The following NPAS3 variants were observed in gnomAD, a reference collection of about 807,000 sequenced individuals.
NPAS3 encodes neuronal PAS domain-containing protein 3.
A neutral mutation model predicts 73.1 loss-of-function variants in NPAS3; 14 were observed. The ratio of observed to expected loss-of-function variants is 0.19; its 90% confidence interval spans 0.13 to 0.30. NPAS3 has a LOEUF of 0.30. Ranked by LOEUF, NPAS3 falls within the 10% of genes least tolerant of loss-of-function variation. The probability of loss-of-function intolerance (pLI) is 1.00; values close to 1 mark genes in which losing one functional copy is unlikely to be tolerated. For synonymous variants in NPAS3, 620 were observed against 541.5 expected (o/e 1.14, Z -2.01); for missense variants, 1,096 against 1,250.0 (o/e 0.88, Z 1.86).
chr14:33,257,425 T>C (rs1300991865), intron 3 of NPAS3, among the ~76,000 whole-genome samples: 5 of 152,126 alleles, frequency 3.3e-5, no homozygotes, highest in Non-Finnish European at 7.4e-5. Context: ...TACCCTACCA[T>C]AGCATTTAAA....
chr14:33,499,242 G>A (rs1239754994), intron 4 of NPAS3, among the ~76,000 whole-genome samples: 2 of 151,666 alleles, frequency 1.3e-5, no homozygotes, highest in Non-Finnish European at 2.9e-5. Flanking sequence ...AGACTGTTGG[G>A]AACCTTTTGG....
intron 5 of NPAS3, chr14:33,612,406 C>T (rs771754812): frequency 2.2e-6 from 1 of 456,046 alleles, no homozygotes; most frequent in Middle Eastern, 3.3e-4. Context: ...CCTCCACAGG[C>T]ACAGACACTG....
chr14:33,229,313 G>T (rs2047753611), intron 3 of NPAS3, among the ~76,000 whole-genome samples: 2 of 152,182 alleles, frequency 1.3e-5, no homozygotes, highest in South Asian at 4.1e-4. Flanking sequence ...TTTGAATGAA[G>T]TGTATTTTTA....
At chr14:33,050,606 T>A (rs967883045) in intron 1 of NPAS3, among the ~76,000 whole-genome samples, 1 of 152,168 alleles carries the variant, frequency 6.6e-6, no homozygotes, top group Non-Finnish European at 1.5e-5. Flanking sequence ...AAATGTTATA[T>A]TAATTTAATT....
intron 7 of NPAS3, among the ~76,000 whole-genome samples, chr14:33,753,364 A>T (rs1281135932): frequency 6.6e-6 from 1 of 152,076 alleles, no homozygotes; most frequent in African/African-American, 2.4e-5. Context: ...TTGATAAAAA[A>T]AAAAAAAAAC....
intron 9 of NPAS3, among the ~76,000 whole-genome samples, chr14:33,786,050 A>C (rs7152987): frequency 0.21 from 31,704 of 152,050 alleles, 4,103 homozygotes; most frequent in African/African-American, 0.37. Context: ...GTGTCGAGTG[A>C]CCAAGCCTAA....
intron 5 of NPAS3, among the ~76,000 whole-genome samples, chr14:33,660,277 C>G (rs2140271213): frequency 6.6e-6 from 1 of 152,292 alleles, no homozygotes; most frequent in Non-Finnish European, 1.5e-5. Context: ...TCTCTAACAA[C>G]TAAGTCTGCC....
At chr14:33,578,762 G>C (rs1011179306) in intron 5 of NPAS3, among the ~76,000 whole-genome samples, 11 of 152,204 alleles carry the variant, frequency 7.2e-5, no homozygotes, top group Admixed American at 5.9e-4. Context: ...ACTAGGATCA[G>C]AGGTCATTTA....
chr14:33,417,901 G>A (rs542507149), intron 4 of NPAS3, among the ~76,000 whole-genome samples: 1 of 152,036 alleles, frequency 6.6e-6, no homozygotes, highest in Admixed American at 6.6e-5. Context: ...TATTGACAGA[G>A]GACTTCTATT....
intron 4 of NPAS3, among the ~76,000 whole-genome samples, chr14:33,426,280 A>G (rs956730216): frequency 1.3e-5 from 2 of 152,132 alleles, no homozygotes; most frequent in African/African-American, 4.8e-5. Context: ...TAGGAGCAAG[A>G]TTGTAACTTC....
At chr14:33,619,188 A>G (rs1178673070) in intron 5 of NPAS3, among the ~76,000 whole-genome samples, 1 of 152,182 alleles carries the variant, frequency 6.6e-6, no homozygotes, top group Non-Finnish European at 1.5e-5. Context: ...TCTCATACAA[A>G]ATTTCTAACA....
At chr14:33,099,546 G>A (rs192332613) in intron 2 of NPAS3, among the ~76,000 whole-genome samples, 35 of 152,208 alleles carry the variant, frequency 2.3e-4, no homozygotes, top group Admixed American at 7.2e-4. Flanking sequence ...AACATGCTTT[G>A]TATAAGGTAA....
At chr14:33,037,627 C>T (rs1218952011) in intron 1 of NPAS3, among the ~76,000 whole-genome samples, 1 of 152,096 alleles carries the variant, frequency 6.6e-6, no homozygotes, top group African/African-American at 2.4e-5. Flanking sequence ...GATCTTGCCA[C>T]TGCACTCTAG....
chr14:33,675,197 A>G (rs117862423), intron 5 of NPAS3, among the ~76,000 whole-genome samples: 9,589 of 152,170 alleles, frequency 0.063, 414 homozygotes, highest in Non-Finnish European at 0.097. Context: ...TGCTTGTCCT[A>G]TTGCTGACAT....
At chr14:33,091,900 G>A (rs2042237958) in intron 2 of NPAS3, among the ~76,000 whole-genome samples, 1 of 152,112 alleles carries the variant, frequency 6.6e-6, no homozygotes, top group African/African-American at 2.4e-5. Flanking sequence ...ATGCAGAAAA[G>A]GCCTTTGACA....
intron 2 of NPAS3, among the ~76,000 whole-genome samples, chr14:33,083,584 G>A (rs995706980): frequency 2.0e-5 from 3 of 152,160 alleles, no homozygotes; most frequent in African/African-American, 7.2e-5. Flanking sequence ...AGGAGGTGCA[G>A]GTGGCAGTTC....
chr14:33,598,093 A>C (rs2057298706), intron 5 of NPAS3, among the ~76,000 whole-genome samples: 1 of 152,198 alleles, frequency 6.6e-6, no homozygotes, highest in South Asian at 2.1e-4. Flanking sequence ...CTTTCTCTTG[A>C]AAAATAAGTT....
intron 7 of NPAS3, among the ~76,000 whole-genome samples, chr14:33,764,610 GT>G (rs984611379): frequency 6.6e-6 from 1 of 152,080 alleles, no homozygotes; most frequent in Non-Finnish European, 1.5e-5. Context: ...ATATAACGTT[GT>G]TGGAAAATAC....
Position 33,413,281 on chromosome 14 carries a change from C to CT in NPAS3, c.468+46019dup, listed in dbSNP as rs140090330. On this transcript the variant is annotated intron_variant, in intron 4 of 11. Transcript: ENST00000356141. Reference sequence around the variant, plus strand: ...TTTTCTGGGAAAATTCAAAGCTTTTCTTTTTTAATTTCATTTGCTACCGAT... The same window carrying CT: ...TTTTCTGGGAAAATTCAAAGCTTTTCTTTTTTTAATTTCATTTGCTACCGAT... Among the ~76,000 whole-genome samples the CT allele has an allele frequency of 7.5e-3, 1,088 of 144,566 alleles. 8 individuals carry two copies. The highest frequency in any genetic ancestry group is 0.012 in the Non-Finnish European group (784 of 65,544). The allele number at this position is 144,566 out of a possible 152,430, so 94.8% of individuals were successfully genotyped here.
Sources: allele counts gnomAD v4.1 joint callset (sites outside exome capture counted in the v4.1 genomes callset), GRCh38; gene constraint gnomAD v4.1.1; transcripts MANE v1.5; gene names NCBI Gene and HGNC (gene_info 2026-07-23, HGNC 2026-07-21).